CTNNA2: variants seen among roughly 807,000 people sequenced by gnomAD.
CTNNA2 encodes the protein catenin alpha 2.
CTNNA2 carries 42 observed loss-of-function variants against 101.0 expected under a neutral mutation model. The observed-to-expected ratio is 0.42, with a 90% CI of 0.32 to 0.54. CTNNA2 has a LOEUF of 0.54. CTNNA2 is among the 20% of genes least tolerant of loss of function. CTNNA2 has a pLI of 0.14. For synonymous variants in CTNNA2, 450 were observed against 456.4 expected (o/e 0.99, Z 0.18); for missense variants, 871 against 1,223.1 (o/e 0.71, Z 4.29).
At chr2:80,277,522 T>C (rs1267524710) in intron 7 of CTNNA2, among the ~76,000 whole-genome samples, 2 of 112,834 alleles carry the variant, frequency 1.8e-5, no homozygotes, top group African/African-American at 7.1e-5. Context: ...AAGAGCTCAG[T>C]GGGGAAGGAG....
chr2:80,285,860 G>T (rs1674719901), intron 7 of CTNNA2, among the ~76,000 whole-genome samples: 1 of 152,114 alleles, frequency 6.6e-6, no homozygotes, highest in African/African-American at 2.4e-5. Context: ...CACTGTAACG[G>T]ATATAAAATT....
intron 7 of CTNNA2, among the ~76,000 whole-genome samples, chr2:80,309,651 G>T (rs1445595031): frequency 6.6e-6 from 1 of 151,840 alleles, no homozygotes; most frequent in Non-Finnish European, 1.5e-5. Context: ...AAACTCTATA[G>T]AGTTTGTTCA....
chr2:80,205,375 A>G (rs1354460478), intron 7 of CTNNA2, among the ~76,000 whole-genome samples: 1 of 152,230 alleles, frequency 6.6e-6, no homozygotes, highest in Non-Finnish European at 1.5e-5. Context: ...GCAGATATTT[A>G]GCTTTCTCAA....
rs545200436 is a variant in CTNNA2, at chr2:80,099,495, C to T, written c.1056+189698C>T. 1.6e-4 allele frequency among the ~76,000 whole-genome samples: 25 copies of T among 152,278 alleles called. No individual in the cohort carries two copies. The South Asian group carries it at 5.2e-3, about 32-fold the overall frequency. On this transcript the variant is annotated intron_variant, in intron 7 of 18. Transcript: ENST00000402739. ...GAGAAACAATTGAAGCAACCAATTT[C>T]ATTCATCCTGGAGATGAATTTACTT... is the stretch of plus-strand genomic sequence containing the variant.
chr2:80,049,601 T>G (rs1010386807), intron 7 of CTNNA2, among the ~76,000 whole-genome samples: 1 of 152,104 alleles, frequency 6.6e-6, no homozygotes, highest in African/African-American at 2.4e-5. Flanking sequence ...CACATCCAGT[T>G]CACTCATGGC....
intron 7 of CTNNA2, among the ~76,000 whole-genome samples, chr2:80,197,013 TA>T (rs764866500): frequency 6.6e-6 from 1 of 152,208 alleles, no homozygotes; most frequent in African/African-American, 2.4e-5. Context: ...ATGCACGTAC[TA>T]TTTTCCATCT....
intron 4 of CTNNA2, among the ~76,000 whole-genome samples, chr2:79,496,455 A>T (rs773717387): frequency 1.3e-5 from 2 of 152,140 alleles, no homozygotes; most frequent in Non-Finnish European, 2.9e-5. Flanking sequence ...TATAAACTCA[A>T]TACAGACAAA....
chr2:79,195,280 G>A (rs1673944659), intron 1 of CTNNA2, among the ~76,000 whole-genome samples: 1 of 152,098 alleles, frequency 6.6e-6, no homozygotes, highest in African/African-American at 2.4e-5. Flanking sequence ...AGCACCAAAT[G>A]CAGAAATGGG....
intron 10 of CTNNA2, 22 bp downstream of exon 10, chr2:80,545,096 T>C (rs774910710): frequency 6.2e-7 from 1 of 1,611,650 alleles, no homozygotes; most frequent in Admixed American, 1.7e-5. Flanking sequence ...TCACTTTGTT[T>C]CAAAAGCCTG....
At chr2:79,892,835 G>A (rs562380741) in intron 6 of CTNNA2, among the ~76,000 whole-genome samples, 7 of 152,254 alleles carry the variant, frequency 4.6e-5, no homozygotes, top group African/African-American at 1.7e-4. Flanking sequence ...CTGGACTTTT[G>A]TCTTTGCAGG....
At chr2:79,442,001 T>A (rs986564450) in intron 4 of CTNNA2, among the ~76,000 whole-genome samples, 1 of 152,174 alleles carries the variant, frequency 6.6e-6, no homozygotes, top group African/African-American at 2.4e-5. Flanking sequence ...TTTAGAGGAG[T>A]TATTTGTGAC....
intron 2 of CTNNA2, among the ~76,000 whole-genome samples, chr2:79,737,742 T>C (rs1671002041): frequency 6.6e-6 from 1 of 152,232 alleles, no homozygotes; most frequent in Non-Finnish European, 1.5e-5. Flanking sequence ...CTAAAGTTTT[T>C]CAGCTGGCTG....
chr2:79,597,962 C>A (rs574952400), intron 1 of CTNNA2, among the ~76,000 whole-genome samples: 2 of 152,218 alleles, frequency 1.3e-5, no homozygotes, highest in Non-Finnish European at 2.9e-5. Flanking sequence ...CCTCCCACCC[C>A]CTTAACCTCA....
intron 2 of CTNNA2, among the ~76,000 whole-genome samples, chr2:79,652,814 C>T (rs762348496): frequency 6.6e-6 from 1 of 152,164 alleles, no homozygotes; most frequent in Non-Finnish European, 1.5e-5. Context: ...AAACACATTA[C>T]ACCACATTCT....
intron 4 of CTNNA2, among the ~76,000 whole-genome samples, chr2:79,411,770 A>T (rs1473138879): frequency 6.6e-6 from 1 of 152,164 alleles, no homozygotes. Context: ...AGGAACAACC[A>T]GTTCCAGCTG....
intron 1 of CTNNA2, among the ~76,000 whole-genome samples, chr2:79,648,469 T>G (rs1372314048): frequency 6.6e-6 from 1 of 152,210 alleles, no homozygotes; most frequent in Non-Finnish European, 1.5e-5. Flanking sequence ...AAGGAAAATG[T>G]TCCTACTACA....
intron 7 of CTNNA2, among the ~76,000 whole-genome samples, chr2:80,229,101 C>T (rs1437348443): frequency 6.6e-6 from 1 of 152,186 alleles, no homozygotes; most frequent in African/African-American, 2.4e-5. Context: ...CCTGAGGAAT[C>T]AGATGGGCAA....
intron 9 of CTNNA2, among the ~76,000 whole-genome samples, chr2:80,509,937 C>G (rs1243100581): frequency 6.6e-6 from 1 of 152,186 alleles, no homozygotes; most frequent in African/African-American, 2.4e-5. Context: ...GAGAAATTCT[C>G]AGGACAGAAA....
intron 7 of CTNNA2, among the ~76,000 whole-genome samples, chr2:79,918,954 A>G (rs1399696014): frequency 6.6e-6 from 1 of 152,194 alleles, no homozygotes; most frequent in Non-Finnish European, 1.5e-5. Flanking sequence ...ATTGAAGAGA[A>G]TATTGGACAT....
Sources: allele counts gnomAD v4.1 joint callset (sites outside exome capture counted in the v4.1 genomes callset), GRCh38; gene constraint gnomAD v4.1.1; transcripts MANE v1.5; gene names NCBI Gene and HGNC (gene_info 2026-07-23, HGNC 2026-07-21).